WDR17: variants seen among roughly 807,000 people sequenced by gnomAD.
WDR17 encodes WD repeat-containing protein 17.
WDR17 carries 143 observed loss-of-function variants against 161.7 expected under a neutral mutation model. The ratio of observed to expected loss-of-function variants is 0.88; its 90% CI spans 0.77 to 1.02. WDR17 has a LOEUF of 1.02. Among genes scored for constraint, WDR17 ranks in the 50% least tolerant of loss-of-function variants. WDR17 has a pLI of 0.00. For missense variants in WDR17, 1,469 were observed against 1,520.9 expected, an observed-to-expected ratio of 0.97 and a Z score of 0.57; for synonymous variants, 517 against 515.6, an observed-to-expected ratio of 1.00 and a Z score of -0.04.
chr4:176,168,405 A>C (rs1365271731), intron 22 of WDR17, among the ~76,000 whole-genome samples: 1 of 152,176 alleles, frequency 6.6e-6, no homozygotes, highest in Admixed American at 6.5e-5. Flanking sequence ...GTAATGATAA[A>C]ATTAATTATA....
rs372012298 is a variant in WDR17, at chr4:176,150,091, C to T, written c.2096C>T (p.Ser699Leu). Residue 699 changes from serine (S) to leucine (L), a missense_variant, in exon 15 of 29, where the codon TCA becomes TTA. Ser to Leu is a moderately radical substitution (Grantham distance 145, BLOSUM62 -2). Transcript: ENST00000508596. ...CCTCCTCTACTGTGTGGTAAAGTGT[C>T]AAGAGATATTAGACAGGAAATAGAA... is the stretch of plus-strand genomic sequence containing the variant. ...GTPPLLCGKV[S>L]RDIRQEIEKL... 3 of 1,613,886 alleles carry T rather than the reference C, an allele frequency of 1.9e-6. No homozygotes were observed. The highest frequency in any genetic ancestry group is 8.5e-7 in the Non-Finnish European group (1 of 1,179,986).
At chr4:176,067,437 A>G (rs553330559) in intron 1 of WDR17, among the ~76,000 whole-genome samples, 40 of 152,328 alleles carry the variant, frequency 2.6e-4, no homozygotes, top group African/African-American at 9.4e-4. Context: ...CTGCAAACGT[A>G]ATTATGTAAA....
At chr4:176,155,741 T>A (rs1748017951) in intron 17 of WDR17, among the ~76,000 whole-genome samples, 1 of 89,936 alleles carries the variant, frequency 1.1e-5, no homozygotes, top group Non-Finnish European at 2.3e-5. Flanking sequence ...ATATATGTTT[T>A]GGTAGACATG....
chr4:176,085,002 G>A (rs972344745), intron 1 of WDR17, among the ~76,000 whole-genome samples: 1 of 151,508 alleles, frequency 6.6e-6, no homozygotes, highest in African/African-American at 2.4e-5. Flanking sequence ...AATTATAATA[G>A]CTTTATAATG....
At chr4:176,119,211 AC>A (rs1741150954) in intron 3 of WDR17, among the ~76,000 whole-genome samples, 1 of 152,110 alleles carries the variant, frequency 6.6e-6, no homozygotes, top group Non-Finnish European at 1.5e-5. Context: ...ATGTAAATGT[AC>A]CTTTACATAA....
Position 176,173,196 on chromosome 4 carries a change from A to C in WDR17, c.3245-71A>C, listed in dbSNP as rs998095580. 61 of 1,001,120 alleles carry C rather than the reference A, an allele frequency of 6.1e-5. No individual in the cohort carries two copies. The Middle Eastern group carries it at 9.1e-4, about 15-fold the overall frequency. The allele number at this position is 1,001,120 out of a possible 1,614,324, so 62.0% of individuals were successfully genotyped here. A position where few individuals can be genotyped will look rare whatever the true frequency, so the allele number is the denominator to read the frequency against. On this transcript the variant is annotated intron_variant, in intron 24 of 28. Transcript: ENST00000508596. The stretch of plus-strand genomic sequence containing the variant: ...CTGACTGACAGAAAATTAATTATAT[A>C]AGTTAAAAATGGATGAATAAATTTT...
intron 3 of WDR17, among the ~76,000 whole-genome samples, chr4:176,116,542 A>G (rs1025968263): frequency 6.6e-6 from 1 of 151,876 alleles, no homozygotes; most frequent in Non-Finnish European, 1.5e-5. Flanking sequence ...AAGTTAAGTA[A>G]TAATTATTCT....
chr4:176,155,084 T>G (rs1369984657), intron 17 of WDR17, among the ~76,000 whole-genome samples: 1 of 152,170 alleles, frequency 6.6e-6, no homozygotes, highest in African/African-American at 2.4e-5. Flanking sequence ...TATTTGTTCA[T>G]GTAAGTAGCA....
intron 18 of WDR17, among the ~76,000 whole-genome samples, chr4:176,156,354 A>T (rs1442237436): frequency 6.6e-6 from 1 of 152,198 alleles, no homozygotes; most frequent in African/African-American, 2.4e-5. Context: ...TCTGATGAAG[A>T]TAGCAGAAGG....
intron 22 of WDR17, among the ~76,000 whole-genome samples, chr4:176,164,075 A>G (rs997730119): frequency 6.6e-6 from 1 of 152,172 alleles, no homozygotes; most frequent in Non-Finnish European, 1.5e-5. Context: ...ACAGATGACT[A>G]TAACTATTGA....
At position 176,136,378 on chromosome 4, in the gene WDR17, T is replaced by A. The variant is rs76607222; in HGVS notation, c.1267+1102T>A. Among the ~76,000 whole-genome samples the A allele has an allele frequency of 3.3e-5, 5 of 151,716 alleles. No homozygotes were observed. In the East Asian group the frequency reaches 9.6e-4, roughly 29 times the overall value. On this transcript the variant is annotated intron_variant, in intron 8 of 28. Coordinates refer to ENST00000508596, the MANE Select transcript of WDR17 (RefSeq NM_181265.4). Reference sequence around the variant, plus strand: ...CACCTTGCACTAGAGCTCATATTAGTTGAATACTCTTCATCCTACAAAAGT... The same window carrying A: ...CACCTTGCACTAGAGCTCATATTAGATGAATACTCTTCATCCTACAAAAGT...
chr4:176,112,671 A>G (rs944376516), intron 2 of WDR17, among the ~76,000 whole-genome samples: 2 of 151,770 alleles, frequency 1.3e-5, no homozygotes, highest in Non-Finnish European at 2.9e-5. Context: ...TCCATATTCT[A>G]TTTTCCCCTC....
intron 1 of WDR17, among the ~76,000 whole-genome samples, chr4:176,093,160 A>T (rs1238461007): frequency 6.6e-6 from 1 of 152,198 alleles, no homozygotes. Context: ...GTCTATAATG[A>T]AAACTATAAA....
chr4:176,090,697 A>G (rs1736011657), intron 1 of WDR17, among the ~76,000 whole-genome samples: 1 of 152,152 alleles, frequency 6.6e-6, no homozygotes, highest in Non-Finnish European at 1.5e-5. Context: ...GGAATTAAAG[A>G]CACACACAGA....
At chr4:176,150,631 T>A in intron 16 of WDR17, 38 bp downstream of exon 16, 1 of 1,539,118 alleles carries the variant, frequency 6.5e-7, no homozygotes, top group South Asian at 1.3e-5. Flanking sequence ...CTCAAGCAAA[T>A]TTTTTGCCTT....
intron 1 of WDR17, among the ~76,000 whole-genome samples, chr4:176,070,736 A>T (rs779905947): frequency 9.2e-5 from 14 of 151,372 alleles, no homozygotes; most frequent in Non-Finnish European, 1.5e-4. Flanking sequence ...GCCCAGGCTG[A>T]TCTGGAACTC....
At position 176,065,904 on chromosome 4, in the gene WDR17, A is replaced by G. The variant is rs1051996461; in HGVS notation, c.-182A>G. 6.6e-6 allele frequency: 1 copy of G among 151,882 alleles called. No individual in the cohort carries two copies. The highest frequency in any genetic ancestry group is 2.1e-4 in the South Asian group (1 of 4,816). 9.4% of individuals were successfully genotyped at this position (151,882 alleles called of 1,614,324 possible). On this transcript the variant is annotated 5_prime_UTR_variant, in exon 1 of 29. Transcript: ENST00000508596. ...CGTGGCTCCGCGCTGGGGCTTGCGG[A>G]GCACGCTTCCCGCCCCTCGGAGCCC...
At chr4:176,166,800 C>G (rs543051480) in intron 22 of WDR17, among the ~76,000 whole-genome samples, 1 of 152,254 alleles carries the variant, frequency 6.6e-6, no homozygotes, top group East Asian at 1.9e-4. Context: ...ACTACTCTAA[C>G]TTGGAACCTG....
At chr4:176,150,676 A>T (rs905066766) in intron 16 of WDR17, 83 bp downstream of exon 16, 7 of 1,344,406 alleles carry the variant, frequency 5.2e-6, no homozygotes, top group African/African-American at 4.5e-5. Flanking sequence ...TTTTAAAAAT[A>T]TATATGATTA....
Sources: gnomAD v4.1 joint callset for allele counts (sites outside exome capture counted in the v4.1 genomes callset) on GRCh38, gnomAD v4.1.1 for gene constraint, MANE v1.5 for transcripts, NCBI Gene and HGNC (gene_info 2026-07-23, HGNC 2026-07-21) for gene names.